MYL1: variants seen among roughly 807,000 people sequenced by gnomAD.
The protein encoded by MYL1 is myosin light chain 1, also known as myosin light chain 1/3, skeletal muscle isoform.
A neutral mutation model predicts 21.8 loss-of-function variants in MYL1; 16 were observed. The ratio of observed to expected loss-of-function variants is 0.74; its 90% CI spans 0.50 to 1.12. The LOEUF (loss-of-function observed/expected upper bound fraction) is 1.12, where lower values mean the gene tolerates loss of function less well. MYL1 is among the 50% of genes most tolerant of loss of function. The pLI is 0.00. For synonymous variants in MYL1, 99 were observed against 85.2 expected, an observed-to-expected ratio of 1.16 and a Z score of -0.89; for missense variants, 246 against 241.0, an observed-to-expected ratio of 1.02 and a Z score of -0.14.
chr2:210,304,284 C>T (rs1690306600), intron 1 of MYL1, among the ~76,000 whole-genome samples: 1 of 152,072 alleles, frequency 6.6e-6, no homozygotes, highest in Non-Finnish European at 1.5e-5. Context: ...TATTTTCTTC[C>T]CTCCTTGTTA....
chr2:210,314,380 T>A (rs929548846), intron 1 of MYL1, among the ~76,000 whole-genome samples: 1 of 152,166 alleles, frequency 6.6e-6, no homozygotes, highest in Non-Finnish European at 1.5e-5. Context: ...TCAAATTTTA[T>A]TAGGCAAAGC....
At chr2:210,304,587 G>A (rs1690311506) in intron 1 of MYL1, among the ~76,000 whole-genome samples, 1 of 152,182 alleles carries the variant, frequency 6.6e-6, no homozygotes, top group Non-Finnish European at 1.5e-5. Context: ...CTGTCACCCT[G>A]GCTGGAGTGC....
Position 210,302,503 on chromosome 2 carries a change from T to C in MYL1, c.145A>G (p.Lys49Glu). The part of the protein sequence containing the change: ...DLSAIKIEFS[K>E]EQQDEFKEAF... ...TTAAACTTACCATCCTGCTGTTCCT[T>C]AGAGAACTCGATCTGTTAGAAAGAA... is the stretch of plus-strand genomic sequence containing the variant. The change falls in exon 2 of 7, where the codon AAG (lysine) becomes GAG (glutamate). Residue 49 changes from lysine to glutamate, a missense_variant. Physicochemically the swap from Lys to Glu is moderately conservative, Grantham distance 56 (BLOSUM62 1). Coordinates refer to ENST00000352451, the MANE Select transcript of MYL1 (RefSeq NM_079420.3). The C allele has an allele frequency of 6.2e-7, 1 of 1,609,722 alleles. No individual in the cohort carries two copies. Among genetic ancestry groups the C allele is most frequent in the African/African-American group, 1.3e-5 (1 of 74,732 alleles).
At position 210,315,006 on chromosome 2, in the gene MYL1, C is replaced by A. The variant is rs143705321; in HGVS notation, c.37G>T (p.Ala13Ser). ...PKKDVKKPVA[A>S]AAAAPAPAPA... ...GCCGGGGCTGGGGCAGCCGCAGCCG[C>A]AGCCACAGGTTTCTTCACGTCTTTC... Residue 13 changes from alanine (A) to serine (S), a missense_variant, in exon 1 of 7, where the codon GCG becomes TCG. Coordinates refer to ENST00000352451, the MANE Select transcript of MYL1 (RefSeq NM_079420.3). 1.2e-4 allele frequency: 186 copies of A among 1,605,942 alleles called. No homozygotes were observed. Among genetic ancestry groups the A allele is most frequent in the Non-Finnish European group, 1.5e-4 (176 of 1,178,020 alleles).
At chr2:210,306,248 A>G (rs6725084) in intron 1 of MYL1, among the ~76,000 whole-genome samples, 79,070 of 151,410 alleles carry the variant, frequency 0.52, 20,773 homozygotes, top group Middle Eastern at 0.62. Flanking sequence ...GAGCCTGGTG[A>G]CATACGCCCA....
intron 1 of MYL1, among the ~76,000 whole-genome samples, chr2:210,305,166 C>A (rs1266061837): frequency 6.6e-6 from 1 of 152,134 alleles, no homozygotes; most frequent in Non-Finnish European, 1.5e-5. Context: ...CTCCTGAAAC[C>A]ATTTCAGAAG....
At chr2:210,314,290 A>G (rs935217066) in intron 1 of MYL1, among the ~76,000 whole-genome samples, 3 of 152,202 alleles carry the variant, frequency 2.0e-5, no homozygotes, top group Non-Finnish European at 4.4e-5. Flanking sequence ...TACTGTGTAT[A>G]AATAAACAAG....
At chr2:210,313,540 C>A (rs1327753303) in intron 1 of MYL1, among the ~76,000 whole-genome samples, 1 of 151,902 alleles carries the variant, frequency 6.6e-6, no homozygotes, top group East Asian at 1.9e-4. Flanking sequence ...ATCAGAAGAC[C>A]TGACATGCAT....
In MYL1 at chr2:210,306,635, G is replaced by GA. The variant is rs1205285531; in HGVS notation, c.133-4121dup. 3.3e-5 allele frequency among the ~76,000 whole-genome samples: 5 copies of GA among 151,580 alleles called. No individual in the cohort carries two copies. The East Asian group carries it at 7.7e-4, about 23-fold the overall frequency. ...AGGGAAGGCTACAGTATAGTCTAGAGAAAAAACTGTAGTTTAAAAACTAGA... is the reference window on the plus strand; with the variant it reads ...AGGGAAGGCTACAGTATAGTCTAGAGAAAAAAACTGTAGTTTAAAAACTAGA... On this transcript the variant is annotated intron_variant, in intron 1 of 6. Transcript: ENST00000352451.
rs573227245 is a variant in MYL1 at position 210,303,493 on chromosome 2, C to T, written c.133-978G>A. On this transcript the variant is annotated intron_variant, in intron 1 of 6. Transcript: ENST00000352451. Reference sequence around the variant, plus strand: ...TTTCTTCTCAATAAGATCATATCCTCTATCTATTTTCTCCTATAAATGACA... The same window carrying T: ...TTTCTTCTCAATAAGATCATATCCTTTATCTATTTTCTCCTATAAATGACA... 3.2e-6 allele frequency: 5 copies of T among 1,556,556 alleles called. No homozygotes were observed. In the South Asian group the frequency reaches 3.4e-5, roughly 11 times the overall value.
At position 210,302,408 on chromosome 2, in the gene MYL1, A is replaced by T. The variant is rs2292300; in HGVS notation, c.160+80T>A. 519,765 of 1,347,298 alleles carry T rather than the reference A, an allele frequency of 0.39. 102,204 individuals are homozygous for T. The highest frequency in any genetic ancestry group is 0.53 in the Admixed American group (22,626 of 42,438). 83.5% of individuals were successfully genotyped at this position (1,347,298 alleles called of 1,614,324 possible). On this transcript the variant is annotated intron_variant, in intron 2 of 6. Coordinates refer to ENST00000352451, the MANE Select transcript of MYL1 (RefSeq NM_079420.3). ...AGTGGGGATAATTAGGAAGAGCTAA[A>T]CTCATCCCAAGGGAGTTGGTTTTCA...
At chr2:210,304,172 T>G (rs982237167) in intron 1 of MYL1, among the ~76,000 whole-genome samples, 6 of 152,150 alleles carry the variant, frequency 3.9e-5, no homozygotes, top group Admixed American at 1.3e-4. Flanking sequence ...TCTTTCAATC[T>G]CCAATTAAAG....
chr2:210,302,734 C>T (rs1455096670), intron 1 of MYL1: 1 of 1,560,944 alleles, frequency 6.4e-7, no homozygotes, highest in African/African-American at 1.4e-5. Flanking sequence ...AGTGCTGTGC[C>T]TACATCTGTA....
At chr2:210,292,203 G>T (rs1690088026) in intron 5 of MYL1, among the ~76,000 whole-genome samples, 1 of 152,046 alleles carries the variant, frequency 6.6e-6, no homozygotes, top group Admixed American at 6.6e-5. Flanking sequence ...TGAGTAGCTG[G>T]GACTACAGGC....
At position 210,314,926 on chromosome 2, in the gene MYL1, G is replaced by C. The variant is rs376404409; in HGVS notation, c.117C>G (p.Asp39Glu). ...ATTTAGTTACCTTAATGGCAGAGAG[G>C]TCAATTTTTTCTTCTTTGGGTTTGG... The part of the protein sequence containing the change: ...APAKPKEEKI[D>E]LSAIKIEFSK... Residue 39 changes from aspartate to glutamate, a missense_variant, in exon 1 of 7, where the codon GAC becomes GAG. Asp to Glu is a conservative substitution (Grantham distance 45). Coordinates refer to ENST00000352451, the MANE Select transcript of MYL1 (RefSeq NM_079420.3). 11 of 1,613,916 alleles carry C rather than the reference G, an allele frequency of 6.8e-6. No homozygotes were observed. The Admixed American group carries it at 1.7e-4, about 24-fold the overall frequency.
intron 1 of MYL1, among the ~76,000 whole-genome samples, chr2:210,306,985 A>T (rs1400474543): frequency 2.6e-5 from 4 of 152,156 alleles, no homozygotes; most frequent in Non-Finnish European, 4.4e-5. Flanking sequence ...TATGTCATCA[A>T]TTAGTTTTAA....
chr2:210,290,886 T>G, intron 6 of MYL1, 146 bp downstream of exon 6: 1 of 472,418 alleles, frequency 2.1e-6, no homozygotes, highest in Non-Finnish European at 3.7e-6. Context: ...ATAACCCATT[T>G]CAAGGCATTA....
chr2:210,303,532 T>G lies in MYL1; in HGVS notation c.133-1017A>C, dbSNP rs992896342. The stretch of plus-strand genomic sequence containing the variant: ...CTATAAATGACAAATTATTGTCTCA[T>G]AGGACCCACCATGATGGAGCGGCTG... On this transcript the variant is annotated intron_variant, in intron 1 of 6. Coordinates refer to ENST00000352451, the MANE Select transcript of MYL1 (RefSeq NM_079420.3). 4 of 1,611,000 alleles carry G rather than the reference T, an allele frequency of 2.5e-6. No individual in the cohort carries two copies. The African/African-American group carries it at 5.4e-5, about 22-fold the overall frequency.
intron 2 of MYL1, among the ~76,000 whole-genome samples, chr2:210,300,226 G>A (rs1274624122): frequency 6.6e-6 from 1 of 152,096 alleles, no homozygotes; most frequent in African/African-American, 2.4e-5. Context: ...AGGATTTTAT[G>A]GGCTGTAATA....
Sources: allele counts gnomAD v4.1 joint callset (sites outside exome capture counted in the v4.1 genomes callset), GRCh38; gene constraint gnomAD v4.1.1; transcripts MANE v1.5; gene names NCBI Gene and HGNC (gene_info 2026-07-23, HGNC 2026-07-21).